Variants in SLC36A1 observed in about 807,000 individuals in gnomAD.
The protein encoded by SLC36A1 is proton-coupled amino acid transporter 1.
Under a neutral mutation model 47.5 loss-of-function variants are expected in SLC36A1, and 30 were observed. The ratio of observed to expected loss-of-function variants is 0.63; its 90% CI spans 0.47 to 0.86. The LOEUF (loss-of-function observed/expected upper bound fraction) is 0.86, where lower values mean the gene tolerates loss of function less well. Among genes scored for constraint, SLC36A1 ranks in the 40% least tolerant of loss-of-function variants. The pLI is 0.00. For missense variants in SLC36A1, 517 were observed against 606.0 expected (o/e 0.85, Z 1.54); for synonymous variants, 255 against 249.7 (o/e 1.02, Z -0.20).
chr5:151,543,251 G>T, the SLC36A1 span: 1 of 1,614,120 alleles, frequency 6.2e-7, no homozygotes, highest in Middle Eastern at 1.6e-4. Flanking sequence ...AGGTCCTCTG[G>T]GTTCACTGAG....
the SLC36A1 span, chr5:151,380,926 G>C: frequency 7.5e-6 from 3 of 402,506 alleles, no homozygotes; most frequent in African/African-American, 6.2e-5. Context: ...CATTGGCAAT[G>C]CTCCAGATTT....
the SLC36A1 span, among the ~76,000 whole-genome samples, chr5:151,527,791 A>G: frequency 1.1e-4 from 16 of 152,120 alleles, no homozygotes; most frequent in Non-Finnish European, 2.2e-4. Flanking sequence ...TCCTCTAGGG[A>G]AGGTTACGGG....
At chr5:151,527,933 C>A in the SLC36A1 span, 1 of 1,574,124 alleles carries the variant, frequency 6.4e-7, no homozygotes. Flanking sequence ...ATCTTCTGGA[C>A]CTGCAGTGGG....
the SLC36A1 span, among the ~76,000 whole-genome samples, chr5:151,371,740 T>A: frequency 6.6e-6 from 1 of 152,192 alleles, no homozygotes; most frequent in African/African-American, 2.4e-5. Context: ...TTTAGTTTTT[T>A]AAAAAAATAT....
chr5:151,366,484 A>G, the SLC36A1 span: 5 of 300,778 alleles, frequency 1.7e-5, no homozygotes, highest in Admixed American at 8.6e-5. Flanking sequence ...AAATCCCACA[A>G]AGCCCAGGAT....
downstream of SLC36A1, among the ~76,000 whole-genome samples, chr5:151,494,134 AAC>A (rs1422319542): frequency 2.0e-5 from 3 of 152,116 alleles, no homozygotes; most frequent in East Asian, 5.8e-4. Context: ...TGGAGGCATA[AAC>A]CTGAGTGACA....
the SLC36A1 span, among the ~76,000 whole-genome samples, chr5:151,390,024 C>G: frequency 9.8e-5 from 15 of 152,334 alleles, no homozygotes; most frequent in Non-Finnish European, 1.6e-4. Context: ...ACAGTCCCAC[C>G]AACAGTGTAA....
intron 5 of SLC36A1, among the ~76,000 whole-genome samples, chr5:151,466,115 G>A (rs1217372041): frequency 2.0e-5 from 3 of 152,142 alleles, no homozygotes; most frequent in Non-Finnish European, 4.4e-5. Context: ...ATTGCCAGGT[G>A]ACCACCATGA....
the SLC36A1 span, chr5:151,529,090 C>T: frequency 8.9e-7 from 1 of 1,119,916 alleles, no homozygotes; most frequent in Admixed American, 1.8e-5. Flanking sequence ...TAAACTAATC[C>T]ATGCTCATAG....
chr5:151,553,166 C>G, the SLC36A1 span: 1 of 1,614,062 alleles, frequency 6.2e-7, no homozygotes, highest in Non-Finnish European at 8.5e-7. Context: ...GGGCCCTAGG[C>G]CTTGCCTCAC....
chr5:151,490,297 G>A lies in SLC36A1; in HGVS notation c.*2043G>A, dbSNP rs1218905193. The A allele has an allele frequency of 3.3e-5, 5 of 152,256 alleles. No homozygotes were observed. The highest frequency in any genetic ancestry group is 7.3e-5 in the Non-Finnish European group (5 of 68,090). 9.4% of individuals were successfully genotyped at this position (152,256 alleles called of 1,614,324 possible). On this transcript the variant is annotated 3_prime_UTR_variant, in exon 11 of 11. Coordinates refer to ENST00000243389, the MANE Select transcript of SLC36A1 (RefSeq NM_078483.4). ...AGTTACCAAAGTGGGCTCAGAAACT[G>A]TCATCTCCTGGTTCCAAGTTCGGGC... is the stretch of plus-strand genomic sequence containing the variant.
At chr5:151,543,421 CAGA>C in the SLC36A1 span, 9 of 1,613,942 alleles carry the variant, frequency 5.6e-6, no homozygotes, top group African/African-American at 1.1e-4. Flanking sequence ...CTTCACCGTG[CAGA>C]AGGCTACTCT....
the SLC36A1 span, chr5:151,543,550 C>T: frequency 6.2e-7 from 1 of 1,614,170 alleles, no homozygotes; most frequent in Non-Finnish European, 8.5e-7. Context: ...GAACTTCTCA[C>T]TTGCTAGTTT....
chr5:151,545,401 G>A, the SLC36A1 span: 5,627 of 1,614,180 alleles, frequency 3.5e-3, 17 homozygotes, highest in Non-Finnish European at 4.4e-3. Context: ...AGCATTGCCA[G>A]TTTTGATGCT....
chr5:151,422,692 C>T, the SLC36A1 span, among the ~76,000 whole-genome samples: 1 of 152,186 alleles, frequency 6.6e-6, no homozygotes, highest in South Asian at 2.1e-4. Flanking sequence ...CACGCCACTA[C>T]ACTTGAGTCT....
At chr5:151,440,411 G>A (rs1194304259) in intron 1 of SLC36A1, among the ~76,000 whole-genome samples, 1 of 152,098 alleles carries the variant, frequency 6.6e-6, no homozygotes, top group Admixed American at 6.6e-5. Flanking sequence ...TCTTAACAGA[G>A]AGAGGCTTGA....
At chr5:151,542,476 A>G in the SLC36A1 span, 1 of 1,614,046 alleles carries the variant, frequency 6.2e-7, no homozygotes, top group East Asian at 2.2e-5. Flanking sequence ...GGATAGCTGG[A>G]TGGTCTGTCC....
At chr5:151,352,800 T>C in the SLC36A1 span, among the ~76,000 whole-genome samples, 1 of 152,216 alleles carries the variant, frequency 6.6e-6, no homozygotes. Context: ...CTCCCTTTGT[T>C]TTCCTCCTAT....
the SLC36A1 span, among the ~76,000 whole-genome samples, chr5:151,427,270 T>C: frequency 2.0e-5 from 3 of 152,222 alleles, no homozygotes; most frequent in African/African-American, 7.2e-5. Flanking sequence ...ACATTATATA[T>C]ACATGAGGGC....
Sources: allele counts gnomAD v4.1 joint callset (sites outside exome capture counted in the v4.1 genomes callset), GRCh38; gene constraint gnomAD v4.1.1; transcripts MANE v1.5; gene names NCBI Gene and HGNC (gene_info 2026-07-23, HGNC 2026-07-21).